Variants in UBR1 observed in about 807,000 individuals in gnomAD.
UBR1 encodes ubiquitin protein ligase E3 component n-recognin 1.
A neutral mutation model predicts 242.1 loss-of-function variants in UBR1; 102 were observed. The observed-to-expected ratio is 0.42, with a 90% confidence interval of 0.36 to 0.50. The LOEUF is 0.50. Ranked by LOEUF, UBR1 falls within the 20% of genes least tolerant of loss-of-function variation. The pLI, the probability that UBR1 is intolerant of heterozygous loss-of-function variation, is 0.01. For synonymous variants in UBR1, 675 were observed against 684.8 expected, an observed-to-expected ratio of 0.99 and a Z score of 0.22; for missense variants, 1,772 against 2,101.8, an observed-to-expected ratio of 0.84 and a Z score of 3.07.
At position 43,022,756 on chromosome 15, in the gene UBR1, G is replaced by A. The variant is rs2033126996; in HGVS notation, c.2785C>T (p.Leu929Phe). 1.2e-6 allele frequency: 2 copies of A among 1,612,152 alleles called. No individual in the cohort carries two copies. The highest frequency in any genetic ancestry group is 3.3e-5 in the Admixed American group (2 of 59,966). The change falls in exon 26 of 47, where the codon CTT becomes TTT. Residue 929 changes from leucine (L) to phenylalanine (F), a missense_variant. Around this residue, in one of 3 missense-constraint regions of UBR1, gnomAD observed 965 missense variants for 1,079.7 expected, o/e 0.89. Coordinates refer to ENST00000290650, the MANE Select transcript of UBR1 (RefSeq NM_174916.3). ...ALGLLEEKQQ[L>F]QKAPEEEVTF... ...ACTTCTTCTTCAGGAGCTTTTTGAA[G>A]CTGTTGCTTCTCTTCTAGTAAACCC...
chr15:43,052,221 A>G (rs1416042918), intron 12 of UBR1, among the ~76,000 whole-genome samples: 1 of 152,212 alleles, frequency 6.6e-6, no homozygotes, highest in African/African-American at 2.4e-5. Flanking sequence ...TTTAGAAGGA[A>G]TTTTAACCAA....
chr15:42,960,511 G>T, intron 43 of UBR1, 134 bp downstream of exon 43: 1 of 898,346 alleles, frequency 1.1e-6, no homozygotes, highest in Non-Finnish European at 1.8e-6. Context: ...TTCTGGCAAA[G>T]ACCTAACAGA....
chr15:43,067,413 C>T (rs148496602), intron 6 of UBR1, among the ~76,000 whole-genome samples: 5 of 152,274 alleles, frequency 3.3e-5, no homozygotes, highest in African/African-American at 9.6e-5. Context: ...GATTATACTG[C>T]ACCCAAGGGC....
intron 4 of UBR1, among the ~76,000 whole-genome samples, chr15:43,071,456 T>C (rs2033823997): frequency 6.6e-6 from 1 of 152,172 alleles, no homozygotes; most frequent in African/African-American, 2.4e-5. Context: ...AAAGGCTGGG[T>C]GTAGGCAGAA....
chr15:42,970,568 G>C lies in UBR1; in HGVS notation c.4409C>G (p.Ala1470Gly), dbSNP rs776266897. Residue 1470 changes from alanine to glycine, a missense_variant, in exon 40 of 47, where the codon GCT (alanine) becomes GGT (glycine). Ala to Gly is a moderately conservative substitution (Grantham distance 60). Transcript: ENST00000290650. The part of the protein sequence containing the change: ...LAQVQEDSEE[A>G]HSASSFFAEI... ...TGCAAAGAAAGAAGATGCGGAATGAGCCTCTTCACTGTCTTCTTGAACCTG... is the reference window on the plus strand; with the variant it reads ...TGCAAAGAAAGAAGATGCGGAATGACCCTCTTCACTGTCTTCTTGAACCTG... 1.9e-6 allele frequency: 3 copies of C among 1,613,830 alleles called. No individual in the cohort carries two copies. The highest frequency in any genetic ancestry group is 2.5e-6 in the Non-Finnish European group (3 of 1,179,998).
chr15:43,037,786 G>A lies in UBR1; in HGVS notation c.2009C>T (p.Ser670Phe). 6.2e-7 allele frequency: 1 copy of A among 1,613,954 alleles called. No homozygotes were observed. Among genetic ancestry groups the A allele is most frequent in the East Asian group, 2.2e-5 (1 of 44,864 alleles). Residue 670 changes from serine (S) to phenylalanine (F), a missense_variant, in exon 17 of 47, where the codon TCT becomes TTT. Ser to Phe is a radical substitution (Grantham distance 155). Transcript: ENST00000290650. ...ACTTTGCTGTACCTGGCTAATAAGA[G>A]ACAGTCCATTTCTTCGCCACATCTC... ...VAEMWRRNGL[S>F]LISQVFYYQD...
intron 37 of UBR1, among the ~76,000 whole-genome samples, chr15:42,978,553 A>G (rs1351802002): frequency 6.6e-6 from 1 of 152,242 alleles, no homozygotes; most frequent in Non-Finnish European, 1.5e-5. Context: ...AGTGAAATTA[A>G]TAAGTCAGGA....
At chr15:42,962,050 T>C (rs2141256366) in intron 42 of UBR1, among the ~76,000 whole-genome samples, 1 of 152,048 alleles carries the variant, frequency 6.6e-6, no homozygotes, top group Non-Finnish European at 1.5e-5. Context: ...CCCAACCTTA[T>C]ATTTAACTTA....
chr15:43,012,737 T>G (rs905758010), intron 29 of UBR1, among the ~76,000 whole-genome samples: 4 of 152,200 alleles, frequency 2.6e-5, no homozygotes, highest in Non-Finnish European at 4.4e-5. Flanking sequence ...TATTACCCTA[T>G]AGTCAGCCAA....
At chr15:43,013,842 A>G (rs1237416276) in intron 29 of UBR1, among the ~76,000 whole-genome samples, 1 of 152,180 alleles carries the variant, frequency 6.6e-6, no homozygotes, top group Non-Finnish European at 1.5e-5. Flanking sequence ...TTCCTCCAAA[A>G]ATTGAGTTGG....
At chr15:42,962,919 T>C (rs567099436) in intron 42 of UBR1, among the ~76,000 whole-genome samples, 9 of 152,140 alleles carry the variant, frequency 5.9e-5, no homozygotes, top group Non-Finnish European at 1.2e-4. Context: ...TCCTGCAACA[T>C]AGGGCAGAGG....
chr15:42,964,639 G>A (rs890808318), intron 41 of UBR1, among the ~76,000 whole-genome samples: 6 of 152,290 alleles, frequency 3.9e-5, no homozygotes, highest in East Asian at 3.9e-4. Flanking sequence ...CAAAGGTCCT[G>A]TGTGAGCTGC....
intron 40 of UBR1, 115 bp downstream of exon 40, chr15:42,970,405 G>A: frequency 9.1e-7 from 1 of 1,094,790 alleles, no homozygotes; most frequent in Non-Finnish European, 1.4e-6. Flanking sequence ...AGAAAACCTA[G>A]GCAATAACTG....
At chr15:42,973,887 T>G (rs2032245808) in intron 39 of UBR1, among the ~76,000 whole-genome samples, 2 of 136,824 alleles carry the variant, frequency 1.5e-5, no homozygotes, top group Admixed American at 7.1e-5. Context: ...TTGTAGGAGT[T>G]TTTTTTTTTT....
chr15:43,104,566 C>G (rs2034274147), intron 1 of UBR1, among the ~76,000 whole-genome samples: 1 of 152,064 alleles, frequency 6.6e-6, no homozygotes, highest in Non-Finnish European at 1.5e-5. Flanking sequence ...TGGCCAAATC[C>G]TTTTTCCAAC....
chr15:43,023,375 T>C (rs1318642436), intron 25 of UBR1, among the ~76,000 whole-genome samples: 1 of 151,818 alleles, frequency 6.6e-6, no homozygotes, highest in Non-Finnish European at 1.5e-5. Context: ...GTGGATCACC[T>C]GAGGTCAGGA....
chr15:43,034,334 C>T (rs1371918239), intron 19 of UBR1, among the ~76,000 whole-genome samples: 1 of 151,046 alleles, frequency 6.6e-6, no homozygotes, highest in African/African-American at 2.4e-5. Flanking sequence ...CCCAGCTATG[C>T]AGGAAGCTGA....
At chr15:42,979,389 AG>A (rs2032341681) in intron 37 of UBR1, among the ~76,000 whole-genome samples, 1 of 152,058 alleles carries the variant, frequency 6.6e-6, no homozygotes, top group Non-Finnish European at 1.5e-5. Flanking sequence ...CTAAACAAAA[AG>A]CATAAAGGTT....
At chr15:42,989,253 G>A (rs1016576969) in intron 34 of UBR1, among the ~76,000 whole-genome samples, 2 of 152,126 alleles carry the variant, frequency 1.3e-5, no homozygotes, top group African/African-American at 4.8e-5. Flanking sequence ...CAGCTAGAAG[G>A]GGTTCAGGTT....
Sources: gnomAD v4.1 joint callset for allele counts (sites outside exome capture counted in the v4.1 genomes callset) on GRCh38, gnomAD v4.1.1 for gene constraint, gnomAD v4.1.1 regional missense constraint, MANE v1.5 for transcripts, NCBI Gene and HGNC (gene_info 2026-07-23, HGNC 2026-07-21) for gene names.